Variants in PLCG2 observed in about 807,000 individuals in gnomAD.
PLCG2 encodes phospholipase C gamma 2.
In PLCG2, 69 loss-of-function variants were observed where a neutral mutation model predicts 175.6. The ratio of observed to expected loss-of-function variants is 0.39; its 90% CI spans 0.32 to 0.48. The LOEUF (loss-of-function observed/expected upper bound fraction) is 0.48. Ranked by LOEUF, PLCG2 falls within the 20% of genes least tolerant of loss-of-function variation. The pLI is 0.91. For missense variants in PLCG2, 1,798 were observed against 1,650.9 expected (o/e 1.09, Z -1.54); for synonymous variants, 827 against 624.0 (o/e 1.33, Z -4.85).
intron 13 of PLCG2, chr16:81,898,728 T>TTAA (rs1909005903): frequency 8.5e-5 from 13 of 152,080 alleles, no homozygotes; most frequent in Admixed American, 7.9e-4. Flanking sequence ...GAAATTTGAG[T>TTAA]ATGTCTAATG....
chr16:81,922,930 G>A (rs947579645), intron 21 of PLCG2, among the ~76,000 whole-genome samples: 1 of 152,190 alleles, frequency 6.6e-6, no homozygotes, highest in Admixed American at 6.5e-5. Context: ...TGGAGGAGAA[G>A]CTCAGTTACT....
Position 81,880,691 on chromosome 16 carries a change from G to C in PLCG2, c.649-219G>C, listed in dbSNP as rs185960987. ...AAATGCTTAAGGGTGACTGCTTCTT[G>C]GGAATACGACTGTGGAGGGAATGAG... is the stretch of plus-strand genomic sequence containing the variant. On this transcript the variant is annotated intron_variant, in intron 7 of 32. Transcript: ENST00000564138. Among the ~76,000 whole-genome samples the C allele has an allele frequency of 2.6e-5, 4 of 152,278 alleles. No individual in the cohort carries two copies. In the East Asian group the frequency reaches 7.7e-4, roughly 29 times the overall value.
At chr16:81,793,383 C>T (rs1043468437) in intron 2 of PLCG2, among the ~76,000 whole-genome samples, 1 of 152,162 alleles carries the variant, frequency 6.6e-6, no homozygotes, top group Admixed American at 6.5e-5. Flanking sequence ...TAGGTGTCCT[C>T]TTGCATCTTG....
In PLCG2 at chr16:81,908,615, G is replaced by A. The variant is rs532712308; in HGVS notation, c.1733+24G>A. On this transcript the variant is annotated intron_variant, in intron 17 of 32. Coordinates refer to ENST00000564138, the MANE Select transcript of PLCG2 (RefSeq NM_002661.5). ...TGGTAATGCCCCCGACCCAGGGAAC[G>A]CCTACCTTCTTCTCCATGCCAACCG... 2.3e-5 allele frequency: 37 copies of A among 1,583,114 alleles called. No individual in the cohort carries two copies. The South Asian group carries it at 3.2e-4, about 14-fold the overall frequency.
chr16:81,907,745 G>C lies in PLCG2; in HGVS notation c.1528G>C (p.Glu510Gln). The change falls in exon 16 of 33, where the codon GAA becomes CAA. Residue 510 changes from glutamate (E) to glutamine (Q), a missense_variant. Coordinates refer to ENST00000564138, the MANE Select transcript of PLCG2 (RefSeq NM_002661.5). Reference sequence around the variant, plus strand: ...CAAGCTGTCCTTCAGTGATGACATTGAACAGACTATGGAGGAGGAAGTGCC... The same window carrying C: ...CAAGCTGTCCTTCAGTGATGACATTCAACAGACTATGGAGGAGGAAGTGCC... ...DAKLSFSDDIEQTMEEEVPQD... is the reference protein window; with the variant it reads ...DAKLSFSDDIQQTMEEEVPQD... 6.2e-7 allele frequency: 1 copy of C among 1,613,898 alleles called. No individual in the cohort carries two copies. The highest frequency in any genetic ancestry group is 1.7e-4 in the Middle Eastern group (1 of 6,020).
chr16:81,775,233 T>C (rs78266257), upstream of PLCG2, among the ~76,000 whole-genome samples: 3,026 of 152,290 alleles, frequency 0.02, 44 homozygotes, highest in Middle Eastern at 0.054. Context: ...TACCTTCCGA[T>C]AGGCCCGCTC....
chr16:81,773,524 GT>G (rs570399351), intron 2 of PLCG2, among the ~76,000 whole-genome samples: 50 of 152,288 alleles, frequency 3.3e-4, no homozygotes, highest in African/African-American at 1.2e-3. Context: ...TGTGTCCCAT[GT>G]TTTCAGCTGC....
intron 18 of PLCG2, 121 bp downstream of exon 18, chr16:81,910,841 G>T: frequency 3.3e-6 from 3 of 911,614 alleles, no homozygotes; most frequent in Non-Finnish European, 5.2e-6. Context: ...CCAGCCCACC[G>T]GCATCTCAAA....
At chr16:81,885,451 A>G (rs1908313552) in intron 9 of PLCG2, among the ~76,000 whole-genome samples, 1 of 152,160 alleles carries the variant, frequency 6.6e-6, no homozygotes, top group South Asian at 2.1e-4. Flanking sequence ...GATGTGAGGC[A>G]CTGTGCCCGG....
rs1263907484 is a variant in PLCG2 at position 81,911,952 on chromosome 16, C to T, written c.1935-645C>T. ...AGCTGGGACTACAGGCGCCTGCCACCATGCCTGGCTAATTTTTTGTATTTT... is the reference window on the plus strand; with the variant it reads ...AGCTGGGACTACAGGCGCCTGCCACTATGCCTGGCTAATTTTTTGTATTTT... On this transcript the variant is annotated intron_variant, in intron 18 of 32. Coordinates refer to ENST00000564138, the MANE Select transcript of PLCG2 (RefSeq NM_002661.5). 1.3e-5 allele frequency among the ~76,000 whole-genome samples: 2 copies of T among 151,796 alleles called. 1 individual carries two copies. The highest frequency in any genetic ancestry group is 4.8e-5 in the African/African-American group (2 of 41,326).
chr16:81,819,609 A>C (rs1904706395), intron 2 of PLCG2, among the ~76,000 whole-genome samples: 1 of 152,054 alleles, frequency 6.6e-6, no homozygotes, highest in South Asian at 2.1e-4. Context: ...TTTTGAGACC[A>C]AGCTTCGCTC....
intron 30 of PLCG2, 52 bp from the exon 31 acceptor site, chr16:81,946,123 A>C (rs1271300978): frequency 7.1e-7 from 1 of 1,415,634 alleles, no homozygotes; most frequent in Non-Finnish European, 1.0e-6. Context: ...AAAAAATCTA[A>C]GGTCTGACAT....
chr16:81,912,368 A>C (rs576597669), intron 18 of PLCG2, among the ~76,000 whole-genome samples: 3 of 152,300 alleles, frequency 2.0e-5, no homozygotes, highest in African/African-American at 7.2e-5. Context: ...GCTCGGCCCA[A>C]TGTATTATTT....
chr16:81,956,911 TG>T (rs760385854), intron 32 of PLCG2, 32 bp downstream of exon 32: 10 of 1,592,106 alleles, frequency 6.3e-6, no homozygotes, highest in African/African-American at 1.3e-5. Context: ...CAAAAACTTT[TG>T]GGGGGTCTCT....
intron 2 of PLCG2, among the ~76,000 whole-genome samples, chr16:81,766,397 A>G (rs190726719): frequency 3.9e-5 from 6 of 152,040 alleles, no homozygotes; most frequent in African/African-American, 1.4e-4. Flanking sequence ...CTCAAAAGCA[A>G]TCAGGCCTCT....
At chr16:81,957,125 CCT>C (rs1458303044) in intron 32 of PLCG2, among the ~76,000 whole-genome samples, 1 of 151,912 alleles carries the variant, frequency 6.6e-6, no homozygotes, top group African/African-American at 2.4e-5. Context: ...ATGGAGAAAC[CCT>C]GTCTCTACTA....
chr16:81,942,281 T>C (rs1910973665), intron 30 of PLCG2, among the ~76,000 whole-genome samples: 1 of 152,198 alleles, frequency 6.6e-6, no homozygotes, highest in Admixed American at 6.5e-5. Flanking sequence ...GGCATCAAAG[T>C]GTGTCAATTC....
Position 81,859,180 on chromosome 16 carries a change from T to C in PLCG2, c.479+17T>C. 1 of 1,544,980 alleles carries C rather than the reference T, an allele frequency of 6.5e-7. No individual in the cohort carries two copies. The highest frequency in any genetic ancestry group is 9.0e-7 in the Non-Finnish European group (1 of 1,117,174). ...AAGAAACAGGTAAGAGTCATTCAGT[T>C]TTTTTCTGATCACTTTGGATTTCGA... On this transcript the variant is annotated intron_variant, in intron 5 of 32. Transcript: ENST00000564138.
chr16:81,799,847 C>T (rs1341572129), intron 2 of PLCG2, among the ~76,000 whole-genome samples: 1 of 152,140 alleles, frequency 6.6e-6, no homozygotes, highest in East Asian at 1.9e-4. Flanking sequence ...CCCACCTTGG[C>T]CTCCTAAAGT....
Sources: allele counts gnomAD v4.1 joint callset (sites outside exome capture counted in the v4.1 genomes callset), GRCh38; gene constraint gnomAD v4.1.1; transcripts MANE v1.5; gene names NCBI Gene and HGNC (gene_info 2026-07-23, HGNC 2026-07-21).